Variants in SIAH2 observed in about 807,000 individuals in gnomAD.
The protein encoded by SIAH2 is siah E3 ubiquitin protein ligase 2, also known as E3 ubiquitin-protein ligase SIAH2.
A neutral mutation model predicts 20.4 loss-of-function variants in SIAH2; 4 were observed. That is an observed-to-expected ratio of 0.20 (90% CI 0.10 to 0.45). The LOEUF is 0.45. SIAH2 is among the 20% of genes least tolerant of loss of function. The pLI, the probability that SIAH2 is intolerant of heterozygous loss-of-function variation, is 0.99. For synonymous variants in SIAH2, 171 were observed against 192.5 expected (o/e 0.89, Z 0.93); for missense variants, 259 against 440.3 (o/e 0.59, Z 3.69).
chr3:150,752,269 C>T (rs377002786), intron 1 of SIAH2, among the ~76,000 whole-genome samples: 1 of 152,172 alleles, frequency 6.6e-6, no homozygotes, highest in Admixed American at 6.5e-5. Flanking sequence ...TATTTCTCAA[C>T]GAAAGCAACT....
At chr3:150,754,350 G>C (rs1714435778) in intron 1 of SIAH2, among the ~76,000 whole-genome samples, 2 of 152,136 alleles carry the variant, frequency 1.3e-5, no homozygotes, top group Non-Finnish European at 2.9e-5. Flanking sequence ...CAGGAGCAAG[G>C]GTGGGAGAGG....
intron 1 of SIAH2, among the ~76,000 whole-genome samples, chr3:150,759,824 C>A (rs1304794295): frequency 1.3e-5 from 2 of 152,174 alleles, no homozygotes; most frequent in Non-Finnish European, 2.9e-5. Context: ...CCTTAGAAGT[C>A]AAGCAGATTC....
intron 1 of SIAH2, among the ~76,000 whole-genome samples, chr3:150,755,363 C>CTCTG (rs1714464205): frequency 8.9e-6 from 1 of 112,214 alleles, no homozygotes; most frequent in African/African-American, 3.4e-5. Flanking sequence ...CAGGGTCTCA[C>CTCTG]TCTGTCACCC....
In SIAH2 at chr3:150,762,094, C is replaced by T. The variant is rs1300072803; in HGVS notation, c.417+339G>A. 3.4e-5 allele frequency: 10 copies of T among 298,334 alleles called. 1 individual carries two copies. Among genetic ancestry groups the T allele is most frequent in the Non-Finnish European group, 5.1e-5 (8 of 157,628 alleles). The allele number at this position is 298,334 out of a possible 1,614,324, so 18.5% of individuals were successfully genotyped here. A position where few individuals can be genotyped will look rare whatever the true frequency, so the allele number is the denominator to read the frequency against. ...CTCAATCCCCACACAGTCAGTTTCT[C>T]GGTCCAAGTTTTACTGGTGCGGCCC... On this transcript the variant is annotated intron_variant, in intron 1 of 1. Transcript: ENST00000312960. The surrounding 1 kb of genome is among the most constrained non-coding windows in gnomAD (Gnocchi z 6.6).
intron 1 of SIAH2, among the ~76,000 whole-genome samples, chr3:150,755,322 CTTTTTT>C (rs386398232): frequency 5.0e-5 from 4 of 80,138 alleles, no homozygotes; most frequent in African/African-American, 1.6e-4. Context: ...CTTTTCTTCC[CTTTTTT>C]TTTTTTTTTT....
chr3:150,750,745 T>A (rs1375772921), intron 1 of SIAH2, among the ~76,000 whole-genome samples: 1 of 152,148 alleles, frequency 6.6e-6, no homozygotes, highest in Non-Finnish European at 1.5e-5. Flanking sequence ...CTTTCTGAGA[T>A]CTTACCTAGA....
At position 150,761,568 on chromosome 3, in the gene SIAH2, T is replaced by C. The variant is rs145612725; in HGVS notation, c.417+865A>G. On this transcript the variant is annotated intron_variant, in intron 1 of 1. Transcript: ENST00000312960. ...ACACTGACATCTATGATTCTATATT[T>C]AGCTGCGAGGGTGTATGTATATATA... 2.5e-3 allele frequency among the ~76,000 whole-genome samples: 382 copies of C among 152,288 alleles called. 1 individual carries two copies. The highest frequency in any genetic ancestry group is 0.01 in the South Asian group (50 of 4,824).
At chr3:150,756,600 T>C (rs1364443967) in intron 1 of SIAH2, among the ~76,000 whole-genome samples, 1 of 152,242 alleles carries the variant, frequency 6.6e-6, no homozygotes, top group Non-Finnish European at 1.5e-5. Context: ...GTTCTGGTTA[T>C]ACTAAGGCTC....
intron 1 of SIAH2, among the ~76,000 whole-genome samples, chr3:150,750,302 T>C (rs1714328822): frequency 1.3e-5 from 2 of 152,226 alleles, no homozygotes. Flanking sequence ...TGCTTATTGG[T>C]TCACTGATTC....
chr3:150,752,561 A>G (rs908619596), intron 1 of SIAH2, among the ~76,000 whole-genome samples: 4 of 152,120 alleles, frequency 2.6e-5, no homozygotes, highest in African/African-American at 9.7e-5. Context: ...GTGAGCCAAG[A>G]TCGCACCACT....
chr3:150,747,730 C>T (rs1714252982), intron 1 of SIAH2, among the ~76,000 whole-genome samples: 2 of 151,940 alleles, frequency 1.3e-5, no homozygotes, highest in African/African-American at 4.8e-5. Flanking sequence ...CACCTGAGGT[C>T]AGGAGTTCGA....
chr3:150,762,547 A>G lies in SIAH2; in HGVS notation c.303T>C (p.Cys101=). 6.2e-7 allele frequency: 1 copy of G among 1,613,602 alleles called. No homozygotes were observed. The highest frequency in any genetic ancestry group is 8.5e-7 in the Non-Finnish European group (1 of 1,179,940). ...ILQCQAGHLV[C]NQCRQKLSCC... is the part of the protein sequence containing the mutation. ...AGCTCAACTTCTGGCGGCATTGGTT[A>G]CACACCAGGTGCCCGGCCTGGCACT... The change falls in exon 1 of 2, where the codon TGT becomes TGC. Residue 101 remains cysteine (C), a synonymous_variant. Coordinates refer to ENST00000312960, the MANE Select transcript of SIAH2 (RefSeq NM_005067.7). The surrounding 1 kb of genome is among the most constrained non-coding windows in gnomAD (Gnocchi z 6.6).
intron 1 of SIAH2, among the ~76,000 whole-genome samples, chr3:150,755,626 C>T (rs1193981791): frequency 1.3e-5 from 2 of 152,192 alleles, no homozygotes; most frequent in Non-Finnish European, 2.9e-5. Context: ...AGTGATTCTC[C>T]TGCCTCTCAG....
intron 1 of SIAH2, among the ~76,000 whole-genome samples, chr3:150,758,789 C>T (rs1714540720): frequency 1.3e-5 from 2 of 148,676 alleles, no homozygotes; most frequent in African/African-American, 5.0e-5. Flanking sequence ...GTTGCCCAGG[C>T]TGGAATGCAA....
intron 1 of SIAH2, among the ~76,000 whole-genome samples, chr3:150,757,357 TAG>T (rs1369859767): frequency 6.6e-6 from 1 of 152,204 alleles, no homozygotes; most frequent in Admixed American, 6.5e-5. Flanking sequence ...CTGACCTGTA[TAG>T]AGTCAAACAT....
In SIAH2 at chr3:150,757,643, G is replaced by C. The variant is rs557406442; in HGVS notation, c.417+4790C>G. On this transcript the variant is annotated intron_variant, in intron 1 of 1. Coordinates refer to ENST00000312960, the MANE Select transcript of SIAH2 (RefSeq NM_005067.7). ...GTCTGCAAGTGGTGGTTATACATGT[G>C]AAGTCAGCCAATGCTAGAAAAAAAA... Among the ~76,000 whole-genome samples the C allele has an allele frequency of 3.9e-5, 6 of 151,970 alleles. No homozygotes were observed. The East Asian group carries it at 1.2e-3, about 29-fold the overall frequency.
chr3:150,759,709 A>C (rs1316643095), intron 1 of SIAH2, among the ~76,000 whole-genome samples: 3 of 151,844 alleles, frequency 2.0e-5, no homozygotes, highest in South Asian at 2.1e-4. Flanking sequence ...AAAAAAAGGC[A>C]AACTAGTAAA....
At chr3:150,755,322 CTTTTTTTTT>C (rs386398232) in intron 1 of SIAH2, among the ~76,000 whole-genome samples, 10 of 80,136 alleles carry the variant, frequency 1.2e-4, no homozygotes, top group South Asian at 6.3e-4. Flanking sequence ...CTTTTCTTCC[CTTTTTTTTT>C]TTTTTTTTTT....
intron 1 of SIAH2, among the ~76,000 whole-genome samples, chr3:150,750,012 A>G (rs1714322590): frequency 6.6e-6 from 1 of 152,160 alleles, no homozygotes; most frequent in African/African-American, 2.4e-5. Flanking sequence ...AGTGGGAAGA[A>G]GAGATATAGG....
Sources: allele counts gnomAD v4.1 joint callset (sites outside exome capture counted in the v4.1 genomes callset), GRCh38; gene constraint gnomAD v4.1.1; non-coding constraint Gnocchi (gnomAD v3.1); transcripts MANE v1.5; gene names NCBI Gene and HGNC (gene_info 2026-07-23, HGNC 2026-07-21).